The following FSIP1 variants were observed in gnomAD, a reference collection of about 807,000 sequenced individuals.
The protein encoded by FSIP1 is fibrous sheath-interacting protein 1.
In FSIP1, 65 loss-of-function variants were observed where a neutral mutation model predicts 60.9. The ratio of observed to expected loss-of-function variants is 1.07; its 90% confidence interval spans 0.87 to 1.31. The LOEUF (loss-of-function observed/expected upper bound fraction) is 1.31. Ranked by LOEUF, FSIP1 falls within the 40% of genes most tolerant of loss-of-function variation. The pLI, the probability that FSIP1 is intolerant of heterozygous loss-of-function variation, is 0.00. For missense variants in FSIP1, 675 were observed against 665.5 expected (o/e 1.01, Z -0.16); for synonymous variants, 209 against 221.2 (o/e 0.94, Z 0.49).
At chr15:39,703,287 T>C (rs964408349) in intron 10 of FSIP1, among the ~76,000 whole-genome samples, 2 of 152,162 alleles carry the variant, frequency 1.3e-5, no homozygotes, top group Middle Eastern at 3.2e-3. Flanking sequence ...CAGCTCATAA[T>C]TGTCATTTTT....
chr15:39,699,068 C>T (rs1157529876), intron 10 of FSIP1, among the ~76,000 whole-genome samples: 2 of 152,172 alleles, frequency 1.3e-5, no homozygotes, highest in Non-Finnish European at 2.9e-5. Flanking sequence ...TGTATCTATG[C>T]TCCAACTAAG....
intron 11 of FSIP1, among the ~76,000 whole-genome samples, chr15:39,615,896 C>CT (rs1191083125): frequency 1.3e-5 from 2 of 152,044 alleles, no homozygotes; most frequent in Non-Finnish European, 2.9e-5. Flanking sequence ...AGCAGGGTAA[C>CT]TACAGTCATT....
At position 39,715,678 on chromosome 15, in the gene FSIP1, C is replaced by T. The variant is rs922641410; in HGVS notation, c.1051-2097G>A. ...GATATCGTTTGGATCTCTGTCCCTA[C>T]CAAATCTCATGTCGAATTGTAACCC... On this transcript the variant is annotated intron_variant, in intron 9 of 11. Transcript: ENST00000350221. 6.6e-5 allele frequency among the ~76,000 whole-genome samples: 10 copies of T among 152,286 alleles called. No homozygotes were observed. In the South Asian group the frequency reaches 8.3e-4, roughly 13 times the overall value.
intron 10 of FSIP1, among the ~76,000 whole-genome samples, chr15:39,642,968 G>C (rs1364215586): frequency 6.6e-6 from 1 of 152,186 alleles, no homozygotes; most frequent in Admixed American, 6.5e-5. Flanking sequence ...ACAGTTTCTT[G>C]ACACAATTGT....
At chr15:39,766,884 G>T (rs1897709321) in intron 3 of FSIP1, among the ~76,000 whole-genome samples, 1 of 152,056 alleles carries the variant, frequency 6.6e-6, no homozygotes, top group African/African-American at 2.4e-5. Flanking sequence ...CTGTCACTCA[G>T]GCTGAAGTGT....
chr15:39,683,125 C>T (rs563671759), intron 10 of FSIP1, among the ~76,000 whole-genome samples: 1 of 152,290 alleles, frequency 6.6e-6, no homozygotes, highest in African/African-American at 2.4e-5. Flanking sequence ...GTCACTAGCC[C>T]AGTGAGCCAA....
At chr15:39,759,152 T>C (rs1220604379) in intron 5 of FSIP1, among the ~76,000 whole-genome samples, 1 of 151,430 alleles carries the variant, frequency 6.6e-6, no homozygotes, top group Non-Finnish European at 1.5e-5. Flanking sequence ...AATGATAACA[T>C]AAAAGAAATG....
intron 8 of FSIP1, among the ~76,000 whole-genome samples, chr15:39,734,154 C>T (rs1896521996): frequency 6.6e-6 from 1 of 152,154 alleles, no homozygotes; most frequent in Middle Eastern, 3.4e-3. Context: ...ATCCTACATG[C>T]TTCAAGAAAA....
At chr15:39,611,532 A>G (rs1292414507) in intron 11 of FSIP1, among the ~76,000 whole-genome samples, 3 of 152,244 alleles carry the variant, frequency 2.0e-5, no homozygotes, top group Admixed American at 2.0e-4. Flanking sequence ...AAAGGAAAAG[A>G]TTCAAAGCAT....
chr15:39,726,581 T>C lies in FSIP1; in HGVS notation c.1050+8A>G. Reference sequence around the variant, plus strand: ...TTAACTTGAACAGTCTATGGGTTCTTCAAATACCTGATTATTCCGATTTTC... The same window carrying C: ...TTAACTTGAACAGTCTATGGGTTCTCCAAATACCTGATTATTCCGATTTTC... On this transcript the variant is annotated splice_region_variant and intron_variant, in intron 9 of 11. Transcript: ENST00000350221. The C allele has an allele frequency of 6.2e-7, 1 of 1,613,956 alleles. No homozygotes were observed. The highest frequency in any genetic ancestry group is 1.1e-5 in the South Asian group (1 of 91,072).
intron 10 of FSIP1, among the ~76,000 whole-genome samples, chr15:39,639,009 T>A (rs899461851): frequency 6.6e-6 from 1 of 152,188 alleles, no homozygotes; most frequent in African/African-American, 2.4e-5. Flanking sequence ...ACATTTAGAT[T>A]TGAAATGTAG....
At chr15:39,648,448 G>A (rs758437356) in intron 10 of FSIP1, among the ~76,000 whole-genome samples, 2 of 152,150 alleles carry the variant, frequency 1.3e-5, no homozygotes, top group East Asian at 1.9e-4. Flanking sequence ...TGAGACATAC[G>A]CATCGTAAGT....
intron 8 of FSIP1, among the ~76,000 whole-genome samples, chr15:39,726,996 A>C (rs762177181): frequency 1.4e-4 from 22 of 152,234 alleles, no homozygotes; most frequent in Non-Finnish European, 3.1e-4. Context: ...TCCCCTGTGG[A>C]ACAAATCTTT....
chr15:39,664,415 C>A (rs1168884170), intron 10 of FSIP1, among the ~76,000 whole-genome samples: 3 of 152,154 alleles, frequency 2.0e-5, no homozygotes, highest in Non-Finnish European at 4.4e-5. Flanking sequence ...TCCATCCATT[C>A]ATCATATTTA....
chr15:39,666,344 A>T (rs769704285), intron 10 of FSIP1, among the ~76,000 whole-genome samples: 15 of 152,220 alleles, frequency 9.9e-5, no homozygotes, highest in Non-Finnish European at 2.9e-5. Context: ...AAAAGATAAG[A>T]AAAGGTTCCA....
At chr15:39,605,283 A>C (rs1890782464) in intron 11 of FSIP1, among the ~76,000 whole-genome samples, 2 of 152,138 alleles carry the variant, frequency 1.3e-5, no homozygotes, top group Admixed American at 1.3e-4. Context: ...CATCCCAGGA[A>C]CTCTGATTTC....
chr15:39,694,540 C>T (rs1894733957), intron 10 of FSIP1, among the ~76,000 whole-genome samples: 1 of 152,108 alleles, frequency 6.6e-6, no homozygotes, highest in Non-Finnish European at 1.5e-5. Context: ...GTGGCTCACA[C>T]CTGTAATCCC....
chr15:39,612,840 A>G (rs1202243939), intron 11 of FSIP1, among the ~76,000 whole-genome samples: 1 of 152,144 alleles, frequency 6.6e-6, no homozygotes, highest in Non-Finnish European at 1.5e-5. Flanking sequence ...GATTATGACC[A>G]TATTTTTGTC....
chr15:39,608,093 C>A (rs1210228470), intron 11 of FSIP1, among the ~76,000 whole-genome samples: 2 of 152,164 alleles, frequency 1.3e-5, no homozygotes, highest in Admixed American at 1.3e-4. Context: ...GTTAGTAAAA[C>A]TCCAACTTCA....
Sources: gnomAD v4.1 joint callset for allele counts (sites outside exome capture counted in the v4.1 genomes callset) on GRCh38, gnomAD v4.1.1 for gene constraint, MANE v1.5 for transcripts, NCBI Gene and HGNC (gene_info 2026-07-23, HGNC 2026-07-21) for gene names.